GNA14: variants seen among roughly 807,000 people sequenced by gnomAD.
GNA14 encodes the protein G protein subunit alpha 14.
In GNA14, 50 loss-of-function variants were observed where a neutral mutation model predicts 42.0. The observed-to-expected ratio is 1.19, with a 90% CI of 0.95 to 1.51. GNA14 has a LOEUF of 1.51. GNA14 is among the 40% of genes most tolerant of loss of function. The probability of loss-of-function intolerance (pLI) is 0.00; values close to 1 mark genes in which losing one functional copy is unlikely to be tolerated. For synonymous variants in GNA14, 173 were observed against 163.1 expected (o/e 1.06, Z -0.46); for missense variants, 473 against 446.2 (o/e 1.06, Z -0.54).
intron 1 of GNA14, among the ~76,000 whole-genome samples, chr9:77,552,684 A>G (rs1178832538): frequency 6.6e-6 from 1 of 152,208 alleles, no homozygotes; most frequent in Admixed American, 6.5e-5. Flanking sequence ...TTCCAGAAGG[A>G]CCTACCGTTG....
At chr9:77,436,747 GTC>G (rs1357311493) in intron 2 of GNA14, among the ~76,000 whole-genome samples, 1 of 152,178 alleles carries the variant, frequency 6.6e-6, no homozygotes, top group Non-Finnish European at 1.5e-5. Flanking sequence ...CAGAACCAAT[GTC>G]TTATTTGTTC....
chr9:77,466,800 T>C (rs1836242811), intron 2 of GNA14, among the ~76,000 whole-genome samples: 1 of 152,150 alleles, frequency 6.6e-6, no homozygotes, highest in Non-Finnish European at 1.5e-5. Context: ...GGTCATTTGT[T>C]TGTTCGTTTA....
intron 4 of GNA14, among the ~76,000 whole-genome samples, chr9:77,430,179 T>C (rs920299024): frequency 1.4e-4 from 22 of 152,194 alleles, no homozygotes; most frequent in African/African-American, 5.3e-4. Context: ...GAAGAAGCCA[T>C]TCTATAAAAG....
rs571819971 is a variant in GNA14, at chr9:77,424,443, G to A, written c.878-274C>T. 1.1e-4 allele frequency among the ~76,000 whole-genome samples: 17 copies of A among 152,206 alleles called. No individual in the cohort carries two copies. In the East Asian group the frequency reaches 1.7e-3, roughly 16 times the overall value. ...TTACCATGTTGGCCAGACTGGTCTC[G>A]AACTCCTGACCTTAGGTGATCCACC... On this transcript the variant is annotated intron_variant, in intron 6 of 6. Transcript: ENST00000341700.
intron 2 of GNA14, among the ~76,000 whole-genome samples, chr9:77,504,616 AAGCCATGGACTCTGTTG>A (rs963060457): frequency 6.7e-6 from 1 of 148,582 alleles, no homozygotes; most frequent in Non-Finnish European, 1.5e-5. Context: ...TCCGTTGGGG[AAGCCATGGACTCTGTTG>A]AGCCATGGTT....
chr9:77,524,297 A>G (rs1332287839), intron 2 of GNA14, among the ~76,000 whole-genome samples: 2 of 152,254 alleles, frequency 1.3e-5, no homozygotes, highest in Non-Finnish European at 2.9e-5. Context: ...ATTTCCTTTA[A>G]TAAGTGGCCT....
Position 77,569,330 on chromosome 9 carries a change from CAG to C in GNA14, c.125-40079_125-40078del, listed in dbSNP as rs558142962. Among the ~76,000 whole-genome samples, 545 of 152,220 alleles carry C rather than the reference CAG, an allele frequency of 3.6e-3. 6 individuals are homozygous for C. The highest frequency in any genetic ancestry group is 0.012 in the African/African-American group (489 of 41,546). On this transcript the variant is annotated intron_variant, in intron 1 of 6. Transcript: ENST00000341700. ...AGTCCTATTAGCACAGCAGTATAGG[CAG>C]AGAGATCATTGGCATTTGGCCAAAC...
At chr9:77,559,663 C>CA (rs1822847380) in intron 1 of GNA14, among the ~76,000 whole-genome samples, 3 of 152,184 alleles carry the variant, frequency 2.0e-5, no homozygotes, top group Admixed American at 6.5e-5. Context: ...GTTAGTCCAA[C>CA]AAAAACAATT....
At chr9:77,610,124 C>G (rs561964602) in intron 1 of GNA14, among the ~76,000 whole-genome samples, 1 of 152,220 alleles carries the variant, frequency 6.6e-6, no homozygotes, top group Admixed American at 6.6e-5. Context: ...TTAGTTCCAC[C>G]CCTCACCTTC....
chr9:77,477,505 CCTAA>C (rs754202823), intron 2 of GNA14, among the ~76,000 whole-genome samples: 5 of 152,094 alleles, frequency 3.3e-5, no homozygotes, highest in Non-Finnish European at 7.3e-5. Context: ...GGAGAAAAAG[CCTAA>C]CTAATAATTA....
At chr9:77,481,806 G>C (rs552191878) in intron 2 of GNA14, among the ~76,000 whole-genome samples, 14 of 152,140 alleles carry the variant, frequency 9.2e-5, no homozygotes, top group Non-Finnish European at 1.9e-4. Context: ...TTATGTAATG[G>C]CCTTCTTTGT....
At chr9:77,561,350 C>T (rs531702375) in intron 1 of GNA14, among the ~76,000 whole-genome samples, 1 of 151,580 alleles carries the variant, frequency 6.6e-6, no homozygotes, top group Non-Finnish European at 1.5e-5. Context: ...CTTTAGAGGC[C>T]GAATAAAGGA....
intron 2 of GNA14, among the ~76,000 whole-genome samples, chr9:77,476,877 C>T (rs541641965): frequency 6.6e-6 from 1 of 152,282 alleles, no homozygotes; most frequent in East Asian, 1.9e-4. Flanking sequence ...GGGTTAAAGG[C>T]CCACCATTTA....
intron 2 of GNA14, among the ~76,000 whole-genome samples, chr9:77,478,415 T>A (rs1836473939): frequency 6.6e-6 from 1 of 152,222 alleles, no homozygotes; most frequent in Non-Finnish European, 1.5e-5. Flanking sequence ...ATTTTCTTAA[T>A]CCAGTCTATC....
At chr9:77,587,015 GGCT>G (rs1383012992) in intron 1 of GNA14, among the ~76,000 whole-genome samples, 12 of 150,962 alleles carry the variant, frequency 7.9e-5, no homozygotes, top group Middle Eastern at 3.2e-3. Flanking sequence ...ATGATTTGGG[GGCT>G]GCTTTTTATT....
At position 77,571,038 on chromosome 9, in the gene GNA14, T is replaced by TAAA. The variant is rs1195930473; in HGVS notation, c.125-41786_125-41785insTTT. 2.0e-3 allele frequency among the ~76,000 whole-genome samples: 303 copies of TAAA among 152,268 alleles called. 1 individual carries two copies. Among genetic ancestry groups the TAAA allele is most frequent in the Non-Finnish European group, 3.7e-3 (252 of 68,034 alleles). The stretch of plus-strand genomic sequence containing the variant: ...GTACTCTATGATAGAGGTATTATTT[T>TAAA]ATAGATGAGAAAACTGAGGTTCAAA... On this transcript the variant is annotated intron_variant, in intron 1 of 6. Coordinates refer to ENST00000341700, the MANE Select transcript of GNA14 (RefSeq NM_004297.4).
chr9:77,640,375 T>C (rs988369198), intron 1 of GNA14, among the ~76,000 whole-genome samples: 1 of 152,194 alleles, frequency 6.6e-6, no homozygotes, highest in Non-Finnish European at 1.5e-5. Context: ...CCCAATATCA[T>C]GAACTCCCTT....
At chr9:77,438,132 G>A (rs907234889) in intron 2 of GNA14, among the ~76,000 whole-genome samples, 1 of 152,164 alleles carries the variant, frequency 6.6e-6, no homozygotes, top group African/African-American at 2.4e-5. Context: ...TGGAGAATCT[G>A]GCTTGAAAGA....
chr9:77,544,223 T>C (rs952095203), intron 1 of GNA14, among the ~76,000 whole-genome samples: 1 of 152,188 alleles, frequency 6.6e-6, no homozygotes, highest in South Asian at 2.1e-4. Flanking sequence ...ATACAGAGAA[T>C]CTTAAGAATC....
Sources: allele counts gnomAD v4.1 joint callset (sites outside exome capture counted in the v4.1 genomes callset), GRCh38; gene constraint gnomAD v4.1.1; transcripts MANE v1.5; gene names NCBI Gene and HGNC (gene_info 2026-07-23, HGNC 2026-07-21).